PDE4B: variants seen among roughly 807,000 people sequenced by gnomAD.
The protein encoded by PDE4B is 3',5'-cyclic-AMP phosphodiesterase 4B.
A neutral mutation model predicts 82.2 loss-of-function variants in PDE4B; 20 were observed. The observed-to-expected ratio is 0.24, with a 90% CI of 0.17 to 0.35. The LOEUF is 0.35. PDE4B is among the 10% of genes least tolerant of loss of function. The pLI is 1.00. For synonymous variants in PDE4B, 320 were observed against 318.9 expected (o/e 1.00, Z -0.04); for missense variants, 655 against 907.2 (o/e 0.72, Z 3.57).
rs79812713 is a variant in PDE4B, at chr1:66,284,618, A to C, written c.634+18531A>C. Among the ~76,000 whole-genome samples the C allele has an allele frequency of 7.3e-3, 1,111 of 152,264 alleles. 13 individuals carry two copies. Among genetic ancestry groups the C allele is most frequent in the African/African-American group, 0.025 (1,052 of 41,534 alleles). Reference sequence around the variant, plus strand: ...AGCTGTAGTGCACCAAGATCATTGCAGTGAATAACCACTTCACTCCTACTG... The same window carrying C: ...AGCTGTAGTGCACCAAGATCATTGCCGTGAATAACCACTTCACTCCTACTG... On this transcript the variant is annotated intron_variant, in intron 7 of 16. Transcript: ENST00000341517.
At position 65,955,071 on chromosome 1, in the gene PDE4B, G is replaced by T. The variant is rs150634581; in HGVS notation, c.281+36236G>T. On this transcript the variant is annotated intron_variant, in intron 3 of 16. Coordinates refer to ENST00000341517, the MANE Select transcript of PDE4B (RefSeq NM_002600.4). Reference sequence around the variant, plus strand: ...AACACAGAGACATAAGAAAACAGACGCTTGGCACTTGTGGAAAATGGTGTG... The same window carrying T: ...AACACAGAGACATAAGAAAACAGACTCTTGGCACTTGTGGAAAATGGTGTG... Among the ~76,000 whole-genome samples, 449 of 152,136 alleles carry T rather than the reference G, an allele frequency of 3.0e-3. 3 individuals carry two copies. The highest frequency in any genetic ancestry group is 0.01 in the African/African-American group (422 of 41,518).
chr1:66,034,344 A>G (rs185570811), intron 3 of PDE4B, among the ~76,000 whole-genome samples: 3 of 152,332 alleles, frequency 2.0e-5, no homozygotes, highest in East Asian at 3.8e-4. Context: ...GTTTTTTGCT[A>G]TGTAAGCCAC....
At chr1:65,971,745 C>G (rs375901350) in intron 3 of PDE4B, among the ~76,000 whole-genome samples, 1 of 152,004 alleles carries the variant, frequency 6.6e-6, no homozygotes, top group Non-Finnish European at 1.5e-5. Context: ...TTTGAGAAAT[C>G]GAGAATGTAA....
Position 66,131,625 on chromosome 1 carries a change from A to ATATATATATATATG in PDE4B, c.282-115822_282-115821insGTATATATATATAT, listed in dbSNP as rs1645951502. Among the ~76,000 whole-genome samples, 2 of 111,308 alleles carry ATATATATATATATG rather than the reference A, an allele frequency of 1.8e-5. 1 individual carries two copies. Among genetic ancestry groups the ATATATATATATATG allele is most frequent in the South Asian group, 5.5e-4 (2 of 3,642 alleles). 73.0% of individuals were successfully genotyped at this position (111,308 alleles called of 152,430 possible). On this transcript the variant is annotated intron_variant, in intron 3 of 16. Transcript: ENST00000341517. ...TATATATATATATATATATATATATATATATATATATATTACTAACCAGGG... is the reference window on the plus strand; with the variant it reads ...TATATATATATATATATATATATATATATATATATATATGTATATATATATATTACTAACCAGGG...
intron 3 of PDE4B, among the ~76,000 whole-genome samples, chr1:66,027,658 A>G (rs1653521666): frequency 6.6e-6 from 1 of 152,234 alleles, no homozygotes; most frequent in Admixed American, 6.5e-5. Flanking sequence ...CCTAGATACA[A>G]TGGAGGTACA....
Position 66,101,294 on chromosome 1 carries a change from A to G in PDE4B, c.282-146166A>G, listed in dbSNP as rs532701813. ...GTGAATAGTGCCACAATAAACATAC[A>G]TGTGCATGTGTCTTTATAGCAGCAT... On this transcript the variant is annotated intron_variant, in intron 3 of 16. Transcript: ENST00000341517. Among the ~76,000 whole-genome samples the G allele has an allele frequency of 6.4e-3, 974 of 152,216 alleles. 4 individuals carry two copies. Among genetic ancestry groups the G allele is most frequent in the Non-Finnish European group, 1.0e-2 (679 of 68,008 alleles).
chr1:66,004,345 C>T (rs1652032108), intron 3 of PDE4B, among the ~76,000 whole-genome samples: 1 of 152,072 alleles, frequency 6.6e-6, no homozygotes, highest in South Asian at 2.1e-4. Flanking sequence ...TGTGGTGCAT[C>T]TTAAATCCAT....
chr1:66,294,175 C>T (rs746651442), intron 7 of PDE4B, among the ~76,000 whole-genome samples: 1 of 152,002 alleles, frequency 6.6e-6, no homozygotes, highest in Non-Finnish European at 1.5e-5. Flanking sequence ...CATTGCACTC[C>T]ACCCTGGGTG....
intron 1 of PDE4B, among the ~76,000 whole-genome samples, chr1:65,903,419 G>GCACACACACA (rs10580572): frequency 6.7e-6 from 1 of 148,498 alleles, no homozygotes; most frequent in Admixed American, 6.7e-5. Flanking sequence ...ACACACACAT[G>GCACACACACA]CACACACACA....
intron 3 of PDE4B, among the ~76,000 whole-genome samples, chr1:65,990,202 T>C (rs1179961695): frequency 6.6e-6 from 1 of 152,194 alleles, no homozygotes; most frequent in Non-Finnish European, 1.5e-5. Flanking sequence ...GCACATAATT[T>C]GGCAATAATA....
intron 1 of PDE4B, among the ~76,000 whole-genome samples, chr1:65,819,034 G>A (rs1161219537): frequency 6.6e-6 from 1 of 152,038 alleles, no homozygotes; most frequent in Non-Finnish European, 1.5e-5. Flanking sequence ...ATTTTACTCT[G>A]GGATCAGTCT....
At chr1:65,887,121 C>A (rs1646787611) in intron 1 of PDE4B, among the ~76,000 whole-genome samples, 1 of 150,648 alleles carries the variant, frequency 6.6e-6, no homozygotes, top group South Asian at 2.1e-4. Context: ...TCCCTCCCTC[C>A]CTCCTTCCCT....
intron 3 of PDE4B, among the ~76,000 whole-genome samples, chr1:66,004,825 G>C (rs1652059612): frequency 6.6e-6 from 1 of 151,742 alleles, no homozygotes; most frequent in South Asian, 2.1e-4. Flanking sequence ...CTTACAAACT[G>C]TTTATTTATT....
At chr1:66,100,142 C>A (rs111282867) in intron 3 of PDE4B, among the ~76,000 whole-genome samples, 4,562 of 151,806 alleles carry the variant, frequency 0.03, 247 homozygotes, top group African/African-American at 0.1. Context: ...CAGTCTCCCC[C>A]TCCTGAGTTC....
At chr1:65,833,554 C>T (rs1646106092) in intron 1 of PDE4B, among the ~76,000 whole-genome samples, 1 of 152,200 alleles carries the variant, frequency 6.6e-6, no homozygotes, top group African/African-American at 2.4e-5. Context: ...TGTTAAAGCA[C>T]CGATTGGTTA....
chr1:65,804,970 G>A (rs547428756), intron 1 of PDE4B, among the ~76,000 whole-genome samples: 94 of 119,136 alleles, frequency 7.9e-4, no homozygotes, highest in Non-Finnish European at 9.1e-4. Flanking sequence ...TGGGGGGGTG[G>A]GTGGGGGGTG....
intron 3 of PDE4B, among the ~76,000 whole-genome samples, chr1:66,131,603 A>ATATG (rs1645948120): frequency 1.4e-5 from 1 of 73,948 alleles, no homozygotes; most frequent in Non-Finnish European, 2.4e-5. Context: ...ATATATATAT[A>ATATG]TATATATATA....
intron 7 of PDE4B, among the ~76,000 whole-genome samples, chr1:66,307,415 G>T (rs1658358246): frequency 6.6e-6 from 1 of 152,116 alleles, no homozygotes; most frequent in Non-Finnish European, 1.5e-5. Context: ...GAACCAGGAG[G>T]ACACTGAAGC....
At chr1:66,174,238 A>G (rs568867933) in intron 3 of PDE4B, among the ~76,000 whole-genome samples, 3 of 152,328 alleles carry the variant, frequency 2.0e-5, no homozygotes, top group South Asian at 4.1e-4. Flanking sequence ...GCAGTAGGGG[A>G]GCTAAATTTT....
Sources: allele counts gnomAD v4.1 joint callset (sites outside exome capture counted in the v4.1 genomes callset), GRCh38; gene constraint gnomAD v4.1.1; transcripts MANE v1.5; gene names NCBI Gene and HGNC (gene_info 2026-07-23, HGNC 2026-07-21).